DCK: variants seen among roughly 807,000 people sequenced by gnomAD.
DCK encodes deoxyadenosine kinase.
In DCK, 23 loss-of-function variants were observed where a neutral mutation model predicts 38.3. The observed-to-expected ratio is 0.60, with a 90% CI of 0.43 to 0.85. The LOEUF is 0.85. DCK is among the 40% of genes least tolerant of loss of function. DCK has a pLI of 0.00. For missense variants in DCK, 259 were observed against 304.4 expected (o/e 0.85, Z 1.11); for synonymous variants, 108 against 100.6 (o/e 1.07, Z -0.44).
intron 3 of DCK, among the ~76,000 whole-genome samples, chr4:71,023,167 TA>T (rs1270977747): frequency 2.0e-5 from 3 of 152,360 alleles, no homozygotes; most frequent in African/African-American, 7.2e-5. Context: ...TTATATTTTC[TA>T]AAATAAAAAG....
chr4:71,022,121 A>G (rs1299989054), intron 2 of DCK, among the ~76,000 whole-genome samples: 1 of 152,228 alleles, frequency 6.6e-6, no homozygotes, highest in East Asian at 1.9e-4. Flanking sequence ...TTTGGACCAA[A>G]CAATGATTTC....
intron 2 of DCK, among the ~76,000 whole-genome samples, chr4:71,011,871 C>T (rs1298791113): frequency 6.6e-6 from 1 of 151,790 alleles, no homozygotes; most frequent in Non-Finnish European, 1.5e-5. Flanking sequence ...TGAAAATGGA[C>T]ATATATTATA....
chr4:71,012,201 C>T (rs140629346), intron 2 of DCK, among the ~76,000 whole-genome samples: 3,037 of 152,212 alleles, frequency 0.02, 93 homozygotes, highest in African/African-American at 0.069. Context: ...AACTGCAAGG[C>T]GGCAGTGAGG....
chr4:71,017,024 A>G (rs1740287426), intron 2 of DCK, among the ~76,000 whole-genome samples: 1 of 152,214 alleles, frequency 6.6e-6, no homozygotes, highest in Non-Finnish European at 1.5e-5. Context: ...AAATTTTTGC[A>G]ATCTACTCAT....
chr4:70,994,887 C>T (rs1578416103), intron 1 of DCK, among the ~76,000 whole-genome samples: 1 of 152,250 alleles, frequency 6.6e-6, no homozygotes, highest in South Asian at 2.1e-4. Flanking sequence ...CACCAACGTC[C>T]GATTCTTCTG....
intron 2 of DCK, 52 bp downstream of exon 2, chr4:70,998,234 T>A: frequency 1.2e-6 from 1 of 818,652 alleles, no homozygotes; most frequent in Non-Finnish European, 2.0e-6. Context: ...AGAGGAGCAG[T>A]AGTACTTAAT....
chr4:71,020,419 A>G (rs1310765896), intron 2 of DCK, among the ~76,000 whole-genome samples: 3 of 152,202 alleles, frequency 2.0e-5, no homozygotes, highest in African/African-American at 4.8e-5. Flanking sequence ...AAAATTCCCA[A>G]TTAACTTTTC....
chr4:71,029,265 T>G (rs897863922), intron 6 of DCK, 87 bp from the exon 7 acceptor site: 2 of 804,450 alleles, frequency 2.5e-6, no homozygotes, highest in African/African-American at 3.6e-5. Flanking sequence ...GGTCTTCAAC[T>G]ATTATATACT....
chr4:71,010,411 T>G (rs1025771074), intron 2 of DCK, among the ~76,000 whole-genome samples: 1 of 151,380 alleles, frequency 6.6e-6, no homozygotes, highest in South Asian at 2.1e-4. Context: ...ATGTTATTAT[T>G]TAGGCCCAAA....
At chr4:71,004,759 G>A (rs1023071890) in intron 2 of DCK, among the ~76,000 whole-genome samples, 1 of 152,216 alleles carries the variant, frequency 6.6e-6, no homozygotes, top group African/African-American at 2.4e-5. Flanking sequence ...TTTACACTGT[G>A]AGGGGAAAAC....
intron 2 of DCK, among the ~76,000 whole-genome samples, chr4:71,015,510 T>C (rs1183034363): frequency 6.6e-6 from 1 of 152,204 alleles, no homozygotes; most frequent in African/African-American, 2.4e-5. Context: ...ATATCCCTGA[T>C]GAACATCGAT....
chr4:71,024,350 T>A (rs1740499053), intron 4 of DCK, among the ~76,000 whole-genome samples: 1 of 152,158 alleles, frequency 6.6e-6, no homozygotes, highest in South Asian at 2.1e-4. Context: ...ACATATGATG[T>A]TATATAATGA....
rs1560679076 is a variant in DCK, at chr4:70,999,863, GGTT to G, written c.207+1685_207+1687del. 2.0e-5 allele frequency among the ~76,000 whole-genome samples: 3 copies of G among 152,086 alleles called. No individual in the cohort carries two copies. In the South Asian group the frequency reaches 6.2e-4, roughly 32 times the overall value. Reference sequence around the variant, plus strand: ...ATATCATTTGCCCACTTTCTGATTGGGTTGTTTGTTTTTTTTTCTTGTAAATTT... The same window carrying G: ...ATATCATTTGCCCACTTTCTGATTGGGTTTGTTTTTTTTTCTTGTAAATTT... On this transcript the variant is annotated intron_variant, in intron 2 of 6. Coordinates refer to ENST00000286648, the MANE Select transcript of DCK (RefSeq NM_000788.3).
chr4:71,013,783 C>T (rs541770988), intron 2 of DCK, among the ~76,000 whole-genome samples: 5 of 152,166 alleles, frequency 3.3e-5, no homozygotes, highest in South Asian at 4.1e-4. Flanking sequence ...AAGGAACAAG[C>T]GGTACCAGCC....
Position 71,017,085 on chromosome 4 carries a change from A to G in DCK, c.208-5282A>G, listed in dbSNP as rs1016751825. Among the ~76,000 whole-genome samples the G allele has an allele frequency of 2.0e-5, 3 of 152,238 alleles. No homozygotes were observed. The South Asian group carries it at 6.2e-4, about 32-fold the overall frequency. ...CTACAATGAACTCAAACAAATTTAC[A>G]AGAAAAAAACAACCCCATCAAAAAG... is the stretch of plus-strand genomic sequence containing the variant. On this transcript the variant is annotated intron_variant, in intron 2 of 6. Coordinates refer to ENST00000286648, the MANE Select transcript of DCK (RefSeq NM_000788.3).
At chr4:70,998,855 G>A (rs1420496744) in intron 2 of DCK, among the ~76,000 whole-genome samples, 1 of 151,822 alleles carries the variant, frequency 6.6e-6, no homozygotes, top group African/African-American at 2.4e-5. Context: ...CCCAGGCAGC[G>A]GAGGTTGCAG....
chr4:71,009,504 A>C (rs1740034173), intron 2 of DCK, among the ~76,000 whole-genome samples: 2 of 152,332 alleles, frequency 1.3e-5, no homozygotes, highest in Non-Finnish European at 2.9e-5. Context: ...TCTGATATCC[A>C]TGTTTATGGG....
rs1229574189 is a variant in DCK at position 71,030,121 on chromosome 4, T to A, written c.*743T>A. The A allele has an allele frequency of 6.6e-6, 1 of 152,654 alleles. No individual in the cohort carries two copies. The highest frequency in any genetic ancestry group is 1.5e-5 in the Non-Finnish European group (1 of 68,040). 9.5% of individuals were successfully genotyped at this position (152,654 alleles called of 1,614,324 possible). On this transcript the variant is annotated 3_prime_UTR_variant, in exon 7 of 7. Coordinates refer to ENST00000286648, the MANE Select transcript of DCK (RefSeq NM_000788.3). ...CTGATAAAAATGATATTGCTCTATA[T>A]GTAATATATCCTGAAAGCATTATTT... is the stretch of plus-strand genomic sequence containing the variant.
At chr4:71,016,287 C>T (rs925398130) in intron 2 of DCK, among the ~76,000 whole-genome samples, 9 of 152,092 alleles carry the variant, frequency 5.9e-5, no homozygotes, top group Admixed American at 5.2e-4. Flanking sequence ...CAAAAGAGGA[C>T]ACAAACAAAT....
Sources: allele counts gnomAD v4.1 joint callset (sites outside exome capture counted in the v4.1 genomes callset), GRCh38; gene constraint gnomAD v4.1.1; transcripts MANE v1.5; gene names NCBI Gene and HGNC (gene_info 2026-07-23, HGNC 2026-07-21).